The following PIWIL1 variants were observed in gnomAD, a reference collection of about 807,000 sequenced individuals.
The protein encoded by PIWIL1 is piwi like RNA-mediated gene silencing 1.
In PIWIL1, 73 loss-of-function variants were observed where a neutral mutation model predicts 114.4. The observed-to-expected ratio is 0.64, with a 90% confidence interval of 0.53 to 0.78. The LOEUF is 0.78. PIWIL1 is among the 30% of genes least tolerant of loss of function. PIWIL1 has a pLI of 0.00. For missense variants in PIWIL1, 723 were observed against 1,063.1 expected (o/e 0.68, Z 4.45); for synonymous variants, 375 against 369.0 (o/e 1.02, Z -0.19).
chr12:130,386,115 G>C, the PIWIL1 span, among the ~76,000 whole-genome samples: 1 of 152,142 alleles, frequency 6.6e-6, no homozygotes, highest in Non-Finnish European at 1.5e-5. Context: ...TTCAGACTTT[G>C]TCTCTGATCC....
chr12:130,352,155 A>G (rs1593098342), intron 9 of PIWIL1, among the ~76,000 whole-genome samples: 1 of 152,318 alleles, frequency 6.6e-6, no homozygotes, highest in Admixed American at 6.5e-5. Context: ...AAAGAGGTTG[A>G]CGTTAAGATA....
the PIWIL1 span, among the ~76,000 whole-genome samples, chr12:130,380,927 A>T: frequency 1.3e-5 from 2 of 152,222 alleles, no homozygotes; most frequent in South Asian, 2.1e-4. Context: ...AAGTCCAATG[A>T]GTCTTCTTTT....
intron 16 of PIWIL1, among the ~76,000 whole-genome samples, 198 bp downstream of exon 16, chr12:130,361,799 A>AT (rs2073517412): frequency 2.0e-5 from 3 of 152,134 alleles, no homozygotes; most frequent in South Asian, 4.2e-4. Flanking sequence ...TGCATTTCAG[A>AT]TTTTTTTTAA....
intron 14 of PIWIL1, among the ~76,000 whole-genome samples, chr12:130,358,436 A>T (rs1351740881): frequency 6.6e-6 from 1 of 152,194 alleles, no homozygotes; most frequent in Non-Finnish European, 1.5e-5. Flanking sequence ...CCTGATCTTC[A>T]TCAAGTGCTT....
the PIWIL1 span, chr12:130,397,287 C>T: frequency 2.5e-6 from 1 of 397,570 alleles, no homozygotes; most frequent in Non-Finnish European, 4.4e-6. Context: ...TTAGGAAGTA[C>T]TTGAGTCATG....
chr12:130,408,947 G>A, the PIWIL1 span, among the ~76,000 whole-genome samples: 3 of 152,194 alleles, frequency 2.0e-5, no homozygotes, highest in Non-Finnish European at 4.4e-5. Context: ...AGCCACTGCT[G>A]TAGTTTACAG....
At chr12:130,397,562 G>A in the PIWIL1 span, 1 of 398,910 alleles carries the variant, frequency 2.5e-6, no homozygotes. Flanking sequence ...AGTAGGTACA[G>A]TGTTACAGTT....
the PIWIL1 span, among the ~76,000 whole-genome samples, chr12:130,385,361 T>A: frequency 6.6e-6 from 1 of 152,244 alleles, no homozygotes; most frequent in Non-Finnish European, 1.5e-5. Flanking sequence ...CATTATTTCA[T>A]AACATCCTTA....
rs1360616480 is a variant in PIWIL1 at position 130,371,269 on chromosome 12, A to T, written c.2415A>T (p.Pro805=). The part of the protein sequence containing the change: ...NVIYDNSGLK[P]DHIQRLTYKL... Reference sequence around the variant, plus strand: ...TCTATGACAACAGCGGCCTGAAGCCAGACCACATACAGCGCTTGACCTACA... The same window carrying T: ...TCTATGACAACAGCGGCCTGAAGCCTGACCACATACAGCGCTTGACCTACA... Residue 805 remains proline, a synonymous_variant, in exon 20 of 21, where the codon CCA becomes CCT. Coordinates refer to ENST00000245255, the MANE Select transcript of PIWIL1 (RefSeq NM_004764.5). The T allele has an allele frequency of 6.2e-7, 1 of 1,614,138 alleles. No homozygotes were observed. Among genetic ancestry groups the T allele is most frequent in the East Asian group, 2.2e-5 (1 of 44,900 alleles).
chr12:130,408,481 G>A, the PIWIL1 span, among the ~76,000 whole-genome samples: 13 of 152,206 alleles, frequency 8.5e-5, no homozygotes, highest in Non-Finnish European at 1.9e-4. Flanking sequence ...CCCACGGCCT[G>A]GCTCTGTCTC....
chr12:130,385,275 G>A, the PIWIL1 span, among the ~76,000 whole-genome samples: 1 of 152,300 alleles, frequency 6.6e-6, no homozygotes, highest in East Asian at 1.9e-4. Flanking sequence ...AATTTAAAGT[G>A]TTTTGTGTAA....
chr12:130,376,895 C>G (rs2073870921), downstream of PIWIL1, among the ~76,000 whole-genome samples: 2 of 152,230 alleles, frequency 1.3e-5, no homozygotes. Context: ...ATCCCAGCTG[C>G]TCACAGGAGA....
intron 14 of PIWIL1, among the ~76,000 whole-genome samples, chr12:130,358,203 G>A (rs35631636): frequency 1.3e-5 from 2 of 152,324 alleles, no homozygotes; most frequent in African/African-American, 4.8e-5. Context: ...TCGCTACCTA[G>A]CGTGGGTGTG....
At chr12:130,340,134 G>C (rs74432806) in intron 1 of PIWIL1, among the ~76,000 whole-genome samples, 7,322 of 152,250 alleles carry the variant, frequency 0.048, 281 homozygotes, top group South Asian at 0.19. Context: ...GGGAGCAAGG[G>C]ATGGCCTGCG....
chr12:130,358,921 T>C (rs958573955), intron 14 of PIWIL1, among the ~76,000 whole-genome samples: 1 of 152,176 alleles, frequency 6.6e-6, no homozygotes, highest in African/African-American at 2.4e-5. Flanking sequence ...TGGTGTGCTT[T>C]AGGCGTGGTC....
chr12:130,409,381 C>T, the PIWIL1 span, among the ~76,000 whole-genome samples: 3 of 116,608 alleles, frequency 2.6e-5, no homozygotes, highest in East Asian at 8.6e-4. Context: ...CTCGCTCTGT[C>T]GCCCAGGCTG....
chr12:130,424,509 A>G, the PIWIL1 span: 19 of 1,231,878 alleles, frequency 1.5e-5, no homozygotes, highest in Non-Finnish European at 1.9e-5. This position sits in a 1 kb window ranked among gnomAD's most constrained non-coding sequence, Gnocchi z 9.8. Context: ...CCCACAGTCC[A>G]GGCCGCTGTC....
At chr12:130,407,807 C>A in the PIWIL1 span, 1 of 1,614,038 alleles carries the variant, frequency 6.2e-7, no homozygotes, top group Non-Finnish European at 8.5e-7. Flanking sequence ...CCGAATGACG[C>A]CTGCCACTTC....
the PIWIL1 span, among the ~76,000 whole-genome samples, chr12:130,410,172 C>A: frequency 1.3e-5 from 2 of 152,190 alleles, no homozygotes; most frequent in Non-Finnish European, 2.9e-5. Flanking sequence ...TTATTTGCCA[C>A]CCACATATCG....
Sources: allele counts gnomAD v4.1 joint callset (sites outside exome capture counted in the v4.1 genomes callset), GRCh38; gene constraint gnomAD v4.1.1; non-coding constraint Gnocchi (gnomAD v3.1); transcripts MANE v1.5; gene names NCBI Gene and HGNC (gene_info 2026-07-23, HGNC 2026-07-21).